KTN1: variants seen among roughly 807,000 people sequenced by gnomAD.
The protein encoded by KTN1 is kinectin.
In KTN1, 130 loss-of-function variants were observed where a neutral mutation model predicts 222.5. The observed-to-expected ratio is 0.58, with a 90% confidence interval of 0.51 to 0.68. The LOEUF is 0.68. KTN1 is among the 30% of genes least tolerant of loss of function. The pLI, the probability that KTN1 is intolerant of heterozygous loss-of-function variation, is 0.00. For missense variants in KTN1, 1,508 were observed against 1,500.4 expected, an observed-to-expected ratio of 1.01 and a Z score of -0.08; for synonymous variants, 512 against 496.3, an observed-to-expected ratio of 1.03 and a Z score of -0.42.
At chr14:55,668,904 T>G (rs2045163976) in intron 34 of KTN1, 1 of 152,116 alleles carries the variant, frequency 6.6e-6, no homozygotes, top group African/African-American at 2.4e-5. Flanking sequence ...CCATTGTAAC[T>G]ATCGAGGATA....
chr14:55,680,645 C>G, intron 43 of KTN1: 1 of 1,268,112 alleles, frequency 7.9e-7, no homozygotes, highest in African/African-American at 1.5e-5. Flanking sequence ...TTGGGATGGA[C>G]TTCCATTTTG....
intron 1 of KTN1, among the ~76,000 whole-genome samples, chr14:55,596,044 A>G (rs966387810): frequency 4.6e-5 from 7 of 151,264 alleles, no homozygotes; most frequent in African/African-American, 1.7e-4. Flanking sequence ...AGTCCCAGCT[A>G]CTCAGGAGGC....
intron 19 of KTN1, 147 bp downstream of exon 19, chr14:55,647,154 T>C: frequency 3.3e-6 from 2 of 600,990 alleles, no homozygotes; most frequent in Non-Finnish European, 5.9e-6. Context: ...CGTTTGTGGG[T>C]TTCACGTGTG....
intron 25 of KTN1, 27 bp downstream of exon 25, chr14:55,651,954 T>A: frequency 1.4e-6 from 2 of 1,416,490 alleles, no homozygotes; most frequent in Non-Finnish European, 2.0e-6. Context: ...TCATTTCCTT[T>A]TACTATTTCT....
chr14:55,648,714 C>G (rs2042636627), intron 20 of KTN1, 88 bp from the exon 21 acceptor site: 1 of 862,298 alleles, frequency 1.2e-6, no homozygotes, highest in Non-Finnish European at 1.9e-6. Flanking sequence ...AAAGAAGCAG[C>G]TAAAGAAATG....
At position 55,678,402 on chromosome 14, in the gene KTN1, A is replaced by C; in HGVS notation, c.3906A>C (p.Gly1302=). ...LIQSKIVKAA[G]DTTVIENSDV... ...AGTCAAAAATAGTAAAAGCTGCTGG[A>C]GACACTACTGTTATTGAAAATAGTG... Residue 1302 remains glycine (G), a synonymous_variant, in exon 42 of 44, where the codon GGA becomes GGC. Coordinates refer to ENST00000395314, the MANE Select transcript of KTN1 (RefSeq NM_001079521.2). The C allele has an allele frequency of 6.2e-7, 1 of 1,612,644 alleles. No homozygotes were observed. The highest frequency in any genetic ancestry group is 1.1e-5 in the South Asian group (1 of 91,060).
At chr14:55,631,341 G>GAGATATATATATATAT (rs71448461) in intron 7 of KTN1, among the ~76,000 whole-genome samples, 24 of 114,702 alleles carry the variant, frequency 2.1e-4, no homozygotes, top group Admixed American at 7.4e-4. Flanking sequence ...TGATAAGGTT[G>GAGATATATATATATAT]ATATATATAT....
intron 1 of KTN1, among the ~76,000 whole-genome samples, chr14:55,590,010 C>CAAAACA (rs1555355800): frequency 1.3e-5 from 2 of 151,474 alleles, no homozygotes; most frequent in African/African-American, 2.4e-5. Context: ...CAAAACAAAA[C>CAAAACA]AAAAAAAACC....
chr14:55,655,930 A>T (rs985511216), intron 28 of KTN1, 112 bp from the exon 29 acceptor site: 2 of 557,586 alleles, frequency 3.6e-6, no homozygotes, highest in African/African-American at 3.9e-5. Flanking sequence ...TATGGGGGAA[A>T]AAAAGCTGGT....
At position 55,651,387 on chromosome 14, in the gene KTN1, CTG is replaced by C. The variant is rs755862304; in HGVS notation, c.2566-499_2566-498del. The stretch of plus-strand genomic sequence containing the variant: ...GTGGAGGATAAAAGGTATTATCAGA[CTG>C]TGTATGATTAAGAAAAAATTAAAAA... On this transcript the variant is annotated intron_variant, in intron 24 of 43. Transcript: ENST00000395314. 52 of 455,696 alleles carry C rather than the reference CTG, an allele frequency of 1.1e-4. 1 individual carries two copies. The highest frequency in any genetic ancestry group is 9.4e-4 in the Admixed American group (40 of 42,518). 28.2% of individuals were successfully genotyped at this position (455,696 alleles called of 1,614,324 possible).
At position 55,656,150 on chromosome 14, in the gene KTN1, AAATT is replaced by A; in HGVS notation, c.2892+24_2892+27del. 2 of 1,484,582 alleles carry A rather than the reference AAATT, an allele frequency of 1.3e-6. No homozygotes were observed. The highest frequency in any genetic ancestry group is 9.3e-7 in the Non-Finnish European group (1 of 1,079,014). 92.0% of individuals were successfully genotyped at this position (1,484,582 alleles called of 1,614,324 possible). Reference sequence around the variant, plus strand: ...TGTTACAGGTGAATATGGTGACTTAAAATTAATTATTTTGTAAATTATTGTCTTT... The same window carrying A: ...TGTTACAGGTGAATATGGTGACTTAAAATTATTTTGTAAATTATTGTCTTT... On this transcript the variant is annotated intron_variant, in intron 29 of 43. Transcript: ENST00000395314.
intron 1 of KTN1, chr14:55,601,626 T>C (rs886592294): frequency 6.6e-6 from 1 of 152,228 alleles, no homozygotes; most frequent in African/African-American, 2.4e-5. Context: ...AAATGATTTG[T>C]AGAGTCATTT....
chr14:55,593,501 C>T (rs1320091850), intron 1 of KTN1, among the ~76,000 whole-genome samples: 1 of 138,502 alleles, frequency 7.2e-6, no homozygotes, highest in Non-Finnish European at 1.5e-5. Context: ...CAACAAAATT[C>T]ACACTGGGAA....
At position 55,646,954 on chromosome 14, in the gene KTN1, T is replaced by C; in HGVS notation, c.2173-19T>C. 6.7e-7 allele frequency: 1 copy of C among 1,484,364 alleles called. No individual in the cohort carries two copies. The highest frequency in any genetic ancestry group is 9.4e-7 in the Non-Finnish European group (1 of 1,067,100). 91.9% of individuals were successfully genotyped at this position (1,484,364 alleles called of 1,614,324 possible). A position where few individuals can be genotyped will look rare whatever the true frequency, so the allele number is the denominator to read the frequency against. ...CAAATTTGGTAAAGTTAAACTTTTT[T>C]TGGTGATTTTTATTTTAGCCTAATA... On this transcript the variant is annotated intron_variant, in intron 18 of 43. Transcript: ENST00000395314.
chr14:55,651,481 G>T, intron 24 of KTN1: 2 of 411,296 alleles, frequency 4.9e-6, no homozygotes, highest in Non-Finnish European at 9.5e-6. Flanking sequence ...CTCTGATACA[G>T]TAGGGAGGTG....
chr14:55,639,059 G>A (rs946323129), intron 12 of KTN1, 126 bp from the exon 13 acceptor site: 1 of 614,712 alleles, frequency 1.6e-6, no homozygotes, highest in African/African-American at 1.8e-5. Flanking sequence ...CTTACCATGG[G>A]CCAGATACTT....
At chr14:55,594,249 A>G (rs1298058792) in intron 1 of KTN1, among the ~76,000 whole-genome samples, 1 of 152,142 alleles carries the variant, frequency 6.6e-6, no homozygotes, top group African/African-American at 2.4e-5. Flanking sequence ...TAGTATTCAC[A>G]GTGTATCCTG....
chr14:55,638,463 T>C (rs1440109286), intron 12 of KTN1, among the ~76,000 whole-genome samples: 1 of 151,898 alleles, frequency 6.6e-6, no homozygotes, highest in Non-Finnish European at 1.5e-5. Flanking sequence ...TAGCAAAAAG[T>C]ATTGGCTTAG....
Position 55,612,267 on chromosome 14 carries a change from T to C in KTN1, c.219T>C (p.His73=), listed in dbSNP as rs1462870395. The C allele has an allele frequency of 2.5e-6, 4 of 1,598,580 alleles. No homozygotes were observed. Among genetic ancestry groups the C allele is most frequent in the Non-Finnish European group, 3.4e-6 (4 of 1,176,396 alleles). The change falls in exon 2 of 44, where the codon CAT becomes CAC. Residue 73 remains histidine (H), a synonymous_variant. Transcript: ENST00000395314. ...AAGAAATCCAGAATGGAAACCTCCA[T>C]GAATCCGACTCTGAGAGTGTACCTC... ...KKKEIQNGNL[H]ESDSESVPRD...
Sources: allele counts gnomAD v4.1 joint callset (sites outside exome capture counted in the v4.1 genomes callset), GRCh38; gene constraint gnomAD v4.1.1; transcripts MANE v1.5; gene names NCBI Gene and HGNC (gene_info 2026-07-23, HGNC 2026-07-21).